Variants in ZNF569 observed in about 807,000 individuals in gnomAD.
ZNF569 encodes the protein DNA-binding protein.
Under a neutral mutation model 56.3 loss-of-function variants are expected in ZNF569, and 38 were observed. The observed-to-expected ratio is 0.68, with a 90% CI of 0.52 to 0.88. The LOEUF (loss-of-function observed/expected upper bound fraction) is 0.88, where lower values mean the gene tolerates loss of function less well. ZNF569 is among the 40% of genes least tolerant of loss of function. The pLI is 0.00. For missense variants in ZNF569, 666 were observed against 809.2 expected (o/e 0.82, Z 2.15); for synonymous variants, 241 against 262.9 (o/e 0.92, Z 0.81).
At position 37,426,300 on chromosome 19, in the gene ZNF569, G is replaced by A. The variant is rs1270124429; in HGVS notation, c.94C>T (p.Leu32=). ...WKRLDPAQRK[L]YRNVMLENYN... ...TTTTCTAGCATCACATTCCGGTACA[G>A]TTTTCTCTGAGCAGGATCCAATCTC... The change falls in exon 4 of 6, where the codon CTG becomes TTG. Residue 32 remains leucine (L), a synonymous_variant. Transcript: ENST00000316950. 3.1e-6 allele frequency: 5 copies of A among 1,613,804 alleles called. No homozygotes were observed. The highest frequency in any genetic ancestry group is 3.4e-6 in the Non-Finnish European group (4 of 1,179,870).
At chr19:37,459,581 G>A (rs1272235264) in intron 2 of ZNF569, among the ~76,000 whole-genome samples, 1 of 152,010 alleles carries the variant, frequency 6.6e-6, no homozygotes, top group Non-Finnish European at 1.5e-5. Flanking sequence ...AAGTTATTTA[G>A]GCAGAAGAAA....
At chr19:37,464,223 T>G (rs1300324858) in intron 2 of ZNF569, among the ~76,000 whole-genome samples, 1 of 152,198 alleles carries the variant, frequency 6.6e-6, no homozygotes, top group Non-Finnish European at 1.5e-5. Context: ...GGAGTCTCAC[T>G]CTGTTGCCCA....
In ZNF569 at chr19:37,412,772, G is replaced by A. The variant is rs761596328; in HGVS notation, c.1886C>T (p.Thr629Ile). 6.2e-7 allele frequency: 1 copy of A among 1,614,030 alleles called. No homozygotes were observed. Among genetic ancestry groups the A allele is most frequent in the South Asian group, 1.1e-5 (1 of 91,086 alleles). Residue 629 changes from threonine to isoleucine, a missense_variant, in exon 6 of 6, where the codon ACA becomes ATA. Transcript: ENST00000316950. ...SSLTIHIRGH[T>I]GEKPFDCSKC... ...ACTACAGTCGAAGGGTTTCTCACCT[G>A]TATGTCCTCGTATATGTATAGTAAG...
chr19:37,424,246 T>TTTG, intron 5 of ZNF569, among the ~76,000 whole-genome samples: 1 of 152,250 alleles, frequency 6.6e-6, no homozygotes, highest in South Asian at 2.1e-4. Context: ...ACTATAAATG[T>TTTG]CAGTAGGTTT....
intron 2 of ZNF569, among the ~76,000 whole-genome samples, chr19:37,445,409 T>C (rs917493037): frequency 1.3e-5 from 2 of 152,174 alleles, no homozygotes; most frequent in East Asian, 1.9e-4. Flanking sequence ...TCGGAGGTAC[T>C]GATGGTAAGA....
chr19:37,456,937 C>T (rs10403582), intron 2 of ZNF569, among the ~76,000 whole-genome samples: 30,735 of 148,904 alleles, frequency 0.21, 3,367 homozygotes, highest in South Asian at 0.32. Flanking sequence ...CATTGCACTC[C>T]AGCCTGGGCA....
chr19:37,421,743 CT>C (rs748058159), intron 5 of ZNF569, among the ~76,000 whole-genome samples: 1,546 of 79,706 alleles, frequency 0.019, 6 homozygotes, highest in Middle Eastern at 0.067. Flanking sequence ...TGTAGTGGCA[CT>C]TTTTTTTTTT....
chr19:37,463,585 T>C (rs1289449357), intron 2 of ZNF569, among the ~76,000 whole-genome samples: 1 of 152,246 alleles, frequency 6.6e-6, no homozygotes, highest in Non-Finnish European at 1.5e-5. Context: ...ATGTATTTAC[T>C]ATACTATACT....
intron 2 of ZNF569, among the ~76,000 whole-genome samples, chr19:37,451,458 G>GT (rs2068411971): frequency 6.6e-6 from 1 of 150,834 alleles, no homozygotes; most frequent in South Asian, 2.1e-4. Context: ...GGTCTACAGT[G>GT]TTATTCAAGT....
At chr19:37,447,988 C>T (rs1055281709) in intron 2 of ZNF569, among the ~76,000 whole-genome samples, 4 of 152,160 alleles carry the variant, frequency 2.6e-5, no homozygotes, top group Admixed American at 6.5e-5. Context: ...ATTCAATTCA[C>T]CCATATTCTG....
At chr19:37,422,769 G>C (rs1393733063) in intron 5 of ZNF569, among the ~76,000 whole-genome samples, 1 of 152,082 alleles carries the variant, frequency 6.6e-6, no homozygotes, top group Non-Finnish European at 1.5e-5. Context: ...AGAATATTAT[G>C]GTGCGGGGGG....
At chr19:37,445,098 C>T in intron 2 of ZNF569, 134 bp from the exon 3 acceptor site, 3 of 669,222 alleles carry the variant, frequency 4.5e-6, no homozygotes, top group Non-Finnish European at 7.3e-6. Context: ...AATATTCATA[C>T]CACAAAGGTT....
intron 5 of ZNF569, among the ~76,000 whole-genome samples, chr19:37,424,815 C>CAAAA (rs71177448): frequency 0.022 from 750 of 33,480 alleles, 77 homozygotes; most frequent in African/African-American, 0.074. Flanking sequence ...GACTCTGTCT[C>CAAAA]AAAAAAAAAA....
At chr19:37,417,928 C>T (rs902073686) in intron 5 of ZNF569, among the ~76,000 whole-genome samples, 5 of 151,902 alleles carry the variant, frequency 3.3e-5, no homozygotes, top group Admixed American at 1.3e-4. Context: ...TAGTGCAACC[C>T]GGTCTCTACT....
At position 37,414,168 on chromosome 19, in the gene ZNF569, G is replaced by C. The variant is rs565886241; in HGVS notation, c.490C>G (p.His164Asp). ...TTCACAGGTTCATTATATTCACAAT[G>C]CTCCTTTCTCATAAGGCATTTCACA... is the stretch of plus-strand genomic sequence containing the variant. Reference protein sequence around the residue: ...NNVKCLMRKEHCEYNEPVKSY... With the variant: ...NNVKCLMRKEDCEYNEPVKSY... Residue 164 changes from histidine to aspartate, a missense_variant, in exon 6 of 6, where the codon CAT becomes GAT. By Grantham distance (81) the His-to-Asp change is moderately conservative (BLOSUM62 -1). Transcript: ENST00000316950. 1.9e-6 allele frequency: 3 copies of C among 1,613,234 alleles called. No homozygotes were observed. The African/African-American group carries it at 4.0e-5, about 22-fold the overall frequency.
At chr19:37,427,176 G>T (rs143106531) in intron 3 of ZNF569, among the ~76,000 whole-genome samples, 5 of 152,036 alleles carry the variant, frequency 3.3e-5, no homozygotes, top group African/African-American at 1.2e-4. Context: ...AATTAGCCAG[G>T]TGTGGTGGTG....
intron 2 of ZNF569, among the ~76,000 whole-genome samples, chr19:37,445,837 G>A (rs2041484388): frequency 6.6e-6 from 1 of 152,064 alleles, no homozygotes; most frequent in Admixed American, 6.6e-5. Flanking sequence ...GCTCATGGAT[G>A]GGTATAATCA....
chr19:37,427,927 G>C, intron 3 of ZNF569: 1 of 348,688 alleles, frequency 2.9e-6, no homozygotes, highest in East Asian at 7.9e-5. Flanking sequence ...GAGCACATAA[G>C]AAACACACTC....
chr19:37,441,288 G>A (rs1482562390), intron 3 of ZNF569, among the ~76,000 whole-genome samples: 1 of 152,160 alleles, frequency 6.6e-6, no homozygotes, highest in East Asian at 1.9e-4. Context: ...GTCAAACTGA[G>A]AGAATAACTT....
Sources: allele counts gnomAD v4.1 joint callset (sites outside exome capture counted in the v4.1 genomes callset), GRCh38; gene constraint gnomAD v4.1.1; transcripts MANE v1.5; gene names NCBI Gene and HGNC (gene_info 2026-07-23, HGNC 2026-07-21).